The following ARSK variants were observed in gnomAD, a reference collection of about 807,000 sequenced individuals.
ARSK encodes arylsulfatase K.
ARSK carries 37 observed loss-of-function variants against 53.2 expected under a neutral mutation model. That is an observed-to-expected ratio of 0.70 (90% CI 0.54 to 0.92). The LOEUF is 0.92. ARSK is among the 40% of genes least tolerant of loss of function. ARSK has a pLI of 0.00. For missense variants in ARSK, 613 were observed against 643.0 expected (o/e 0.95, Z 0.51); for synonymous variants, 208 against 223.2 (o/e 0.93, Z 0.61).
At chr5:95,588,921 C>G (rs1415372347) in intron 5 of ARSK, among the ~76,000 whole-genome samples, 2 of 152,100 alleles carry the variant, frequency 1.3e-5, no homozygotes, top group Admixed American at 1.3e-4. Context: ...AAGATCACAC[C>G]ACTGCACTCC....
intron 7 of ARSK, among the ~76,000 whole-genome samples, chr5:95,602,714 T>G (rs534848550): frequency 6.6e-6 from 1 of 152,318 alleles, no homozygotes; most frequent in East Asian, 1.9e-4. Context: ...AGTTTGTATT[T>G]CCATGGCTGT....
In ARSK at chr5:95,600,311, C is replaced by T. The variant is rs149298146; in HGVS notation, c.1097-536C>T. Reference sequence around the variant, plus strand: ...ACCACTCCTGAAGGTTTATCATATACATCAGCAATAAATTTACATCTACAA... The same window carrying T: ...ACCACTCCTGAAGGTTTATCATATATATCAGCAATAAATTTACATCTACAA... On this transcript the variant is annotated intron_variant, in intron 6 of 7. Coordinates refer to ENST00000380009, the MANE Select transcript of ARSK (RefSeq NM_198150.3). 3.7e-3 allele frequency among the ~76,000 whole-genome samples: 570 copies of T among 152,300 alleles called. 4 individuals carry two copies. Among genetic ancestry groups the T allele is most frequent in the South Asian group, 6.4e-3 (31 of 4,830 alleles).
chr5:95,598,086 G>T (rs79152819), intron 6 of ARSK, among the ~76,000 whole-genome samples: 8,934 of 152,126 alleles, frequency 0.059, 312 homozygotes, highest in East Asian at 0.11. Context: ...TACTGATATG[G>T]TCAGGAAGAA....
At chr5:95,558,868 C>T (rs972962441) in intron 1 of ARSK, among the ~76,000 whole-genome samples, 4 of 152,190 alleles carry the variant, frequency 2.6e-5, no homozygotes, top group South Asian at 4.1e-4. Flanking sequence ...TGGCCGGGCG[C>T]GGTGGCTCAC....
At chr5:95,585,839 A>G (rs1011362639) in intron 4 of ARSK, among the ~76,000 whole-genome samples, 10 of 152,218 alleles carry the variant, frequency 6.6e-5, no homozygotes, top group Admixed American at 3.9e-4. Context: ...AAAACTAATC[A>G]GAAACACGAT....
At chr5:95,576,730 C>CA (rs1177204136) in intron 3 of ARSK, among the ~76,000 whole-genome samples, 1 of 151,750 alleles carries the variant, frequency 6.6e-6, no homozygotes, top group Non-Finnish European at 1.5e-5. Context: ...ACTAGAAATA[C>CA]AAAAAACTAC....
At chr5:95,590,087 T>C (rs1472726291) in intron 5 of ARSK, among the ~76,000 whole-genome samples, 1 of 152,218 alleles carries the variant, frequency 6.6e-6, no homozygotes, top group Non-Finnish European at 1.5e-5. Context: ...ACTACAGTAA[T>C]ATGCAAGTTG....
At chr5:95,580,247 T>TA (rs35461612) in intron 3 of ARSK, among the ~76,000 whole-genome samples, 5 of 151,966 alleles carry the variant, frequency 3.3e-5, no homozygotes, top group Middle Eastern at 3.2e-3. Flanking sequence ...AATGGAATGG[T>TA]AAAAAAATTG....
intron 1 of ARSK, chr5:95,556,504 G>A (rs1748512616): frequency 2.5e-6 from 1 of 408,124 alleles, no homozygotes; most frequent in Non-Finnish European, 4.4e-6. Context: ...CTGCATGTTG[G>A]ATGGCCACTG....
intron 4 of ARSK, among the ~76,000 whole-genome samples, chr5:95,583,670 A>C (rs937874607): frequency 6.6e-6 from 1 of 152,184 alleles, no homozygotes; most frequent in Non-Finnish European, 1.5e-5. Flanking sequence ...TATAATGAAA[A>C]CACTAGAAAC....
intron 6 of ARSK, among the ~76,000 whole-genome samples, chr5:95,598,722 G>T (rs1383546405): frequency 1.3e-5 from 2 of 152,170 alleles, no homozygotes; most frequent in African/African-American, 4.8e-5. Context: ...AGTCCAACAT[G>T]ATCTCTTCTC....
Position 95,556,098 on chromosome 5 carries a change from A to T in ARSK, c.126+694A>T, listed in dbSNP as rs369052045. Reference sequence around the variant, plus strand: ...GACAATTGTTTGGTTATTAATTGTAATATTAGTTTATTATCACTCGGTGTT... The same window carrying T: ...GACAATTGTTTGGTTATTAATTGTATTATTAGTTTATTATCACTCGGTGTT... On this transcript the variant is annotated intron_variant, in intron 1 of 7. Transcript: ENST00000380009. The T allele has an allele frequency of 6.5e-4, 420 of 647,942 alleles. 4 individuals carry two copies. The South Asian group carries it at 7.2e-3, about 11-fold the overall frequency. The allele number at this position is 647,942 out of a possible 1,614,324, so 40.1% of individuals were successfully genotyped here. A position where few individuals can be genotyped will look rare whatever the true frequency, so the allele number is the denominator to read the frequency against.
At chr5:95,580,141 G>A (rs1748997234) in intron 3 of ARSK, among the ~76,000 whole-genome samples, 2 of 152,148 alleles carry the variant, frequency 1.3e-5, no homozygotes, top group African/African-American at 4.8e-5. Flanking sequence ...AAATATCTGA[G>A]CCACAGGTAG....
chr5:95,573,452 T>A (rs1001515882), intron 3 of ARSK, among the ~76,000 whole-genome samples: 5 of 152,220 alleles, frequency 3.3e-5, no homozygotes, highest in African/African-American at 4.8e-5. Flanking sequence ...TCCACTAAGC[T>A]AATATTTTTG....
rs922520669 is a variant in ARSK, at chr5:95,594,825, GC to G, written c.1096+3201del. ...ACTGCACTCCAGCCTGGGTGACAGA[GC>G]GAGACTACGTCTCAAACAAAAAAAA... On this transcript the variant is annotated intron_variant, in intron 6 of 7. Coordinates refer to ENST00000380009, the MANE Select transcript of ARSK (RefSeq NM_198150.3). 2.7e-5 allele frequency among the ~76,000 whole-genome samples: 4 copies of G among 145,820 alleles called. No homozygotes were observed. In the East Asian group the frequency reaches 8.0e-4, roughly 29 times the overall value.
chr5:95,586,884 T>A (rs1749122110), intron 5 of ARSK, 151 bp downstream of exon 5: 1 of 587,256 alleles, frequency 1.7e-6, no homozygotes, highest in Non-Finnish European at 2.8e-6. Flanking sequence ...CTTGCGTTAT[T>A]GATAGAATGA....
Position 95,556,227 on chromosome 5 carries a change from A to G in ARSK, c.126+823A>G, listed in dbSNP as rs1366669692. On this transcript the variant is annotated intron_variant, in intron 1 of 7. Transcript: ENST00000380009. ...TCGTAGATTCCTGATGATTAAAATT[A>G]CATAGTCTGGATGTGCCCATGGGAT... 5.7e-6 allele frequency: 4 copies of G among 702,398 alleles called. No individual in the cohort carries two copies. In the East Asian group the frequency reaches 8.0e-5, roughly 14 times the overall value. 43.5% of individuals were successfully genotyped at this position (702,398 alleles called of 1,614,324 possible). A position where few individuals can be genotyped will look rare whatever the true frequency, so the allele number is the denominator to read the frequency against.
intron 6 of ARSK, among the ~76,000 whole-genome samples, chr5:95,597,755 G>C (rs189895008): frequency 4.6e-5 from 7 of 152,212 alleles, no homozygotes; most frequent in African/African-American, 1.4e-4. Context: ...TCAGCCAGGC[G>C]TGGTGATGTG....
intron 6 of ARSK, among the ~76,000 whole-genome samples, chr5:95,594,623 C>T (rs1052748360): frequency 4.6e-5 from 7 of 152,090 alleles, no homozygotes; most frequent in African/African-American, 1.7e-4. Flanking sequence ...GGGTGGATCA[C>T]GAGGTCAGGA....
Sources: allele counts gnomAD v4.1 joint callset (sites outside exome capture counted in the v4.1 genomes callset), GRCh38; gene constraint gnomAD v4.1.1; transcripts MANE v1.5; gene names NCBI Gene and HGNC (gene_info 2026-07-23, HGNC 2026-07-21).